BBS4: variants seen among roughly 807,000 people sequenced by gnomAD.
BBS4 encodes the protein Bardet-Biedl syndrome 4, also known as BBSome complex member BBS4.
Under a neutral mutation model 71.4 loss-of-function variants are expected in BBS4, and 58 were observed. That is an observed-to-expected ratio of 0.81 (90% CI 0.66 to 1.01). The LOEUF is 1.01. Ranked by LOEUF, BBS4 falls within the 50% of genes least tolerant of loss-of-function variation. BBS4 has a pLI of 0.00. For synonymous variants in BBS4, 228 were observed against 216.8 expected (o/e 1.05, Z -0.46); for missense variants, 660 against 607.9 (o/e 1.09, Z -0.90).
At chr15:72,687,464 C>A (rs1425582753) in intron 1 of BBS4, among the ~76,000 whole-genome samples, 2 of 151,340 alleles carry the variant, frequency 1.3e-5, no homozygotes. Flanking sequence ...ATTAGCGGGG[C>A]ATCGTGGCGC....
chr15:72,696,046 T>C (rs1192468907), intron 2 of BBS4, among the ~76,000 whole-genome samples: 1 of 152,254 alleles, frequency 6.6e-6, no homozygotes, highest in African/African-American at 2.4e-5. Flanking sequence ...TTCATATTCT[T>C]ACTGATGTAG....
intron 1 of BBS4, among the ~76,000 whole-genome samples, chr15:72,691,940 C>T (rs1349782379): frequency 7.6e-6 from 1 of 132,144 alleles, no homozygotes; most frequent in African/African-American, 2.8e-5. Flanking sequence ...TTCAGCTTGG[C>T]AGAGCGAGAC....
chr15:72,698,044 G>A lies in BBS4; in HGVS notation c.76+2816G>A, dbSNP rs565296564. On this transcript the variant is annotated intron_variant, in intron 2 of 15. Coordinates refer to ENST00000268057, the MANE Select transcript of BBS4 (RefSeq NM_033028.5). ...GATCTTACCCATCATTGAGGTGAGC[G>A]AACTGATTTACTGCTTGAGTCTATT... 3.8e-4 allele frequency: 174 copies of A among 455,750 alleles called. 1 individual carries two copies. The highest frequency in any genetic ancestry group is 2.6e-3 in the South Asian group (170 of 64,536). The allele number at this position is 455,750 out of a possible 1,614,324, so 28.2% of individuals were successfully genotyped here.
At chr15:72,708,651 T>A (rs2065309361) in intron 2 of BBS4, among the ~76,000 whole-genome samples, 1 of 152,232 alleles carries the variant, frequency 6.6e-6, no homozygotes, top group Non-Finnish European at 1.5e-5. Context: ...CATATTTTTC[T>A]TCTTTGCAGA....
rs58644289 is a variant in BBS4 at position 72,688,411 on chromosome 15, C to CTTTTTTTTTTTTTTT, written c.24+2166_24+2180dup. 7.5e-4 allele frequency among the ~76,000 whole-genome samples: 62 copies of CTTTTTTTTTTTTTTT among 83,052 alleles called. 18 individuals carry two copies. The East Asian group carries it at 0.011, about 15-fold the overall frequency. 54.5% of individuals were successfully genotyped at this position (83,052 alleles called of 152,430 possible). On this transcript the variant is annotated intron_variant, in intron 1 of 15. Transcript: ENST00000268057. ...GTCCTTTTAGGAAGTGGTATTTTATCTTTTTTTTTTTTTTTTTTTTGAGAC... is the reference window on the plus strand; with the variant it reads ...GTCCTTTTAGGAAGTGGTATTTTATCTTTTTTTTTTTTTTTTTTTTTTTTTTTTTTTTTTTGAGAC...
At chr15:72,695,936 AAAT>A (rs760150392) in intron 2 of BBS4, among the ~76,000 whole-genome samples, 9 of 152,198 alleles carry the variant, frequency 5.9e-5, no homozygotes, top group Non-Finnish European at 1.3e-4. Flanking sequence ...GTACACTTGG[AAAT>A]AATGTGTATT....
chr15:72,731,062 T>A (rs966181247), intron 10 of BBS4, among the ~76,000 whole-genome samples: 1 of 133,560 alleles, frequency 7.5e-6, no homozygotes, highest in African/African-American at 2.8e-5. Context: ...AGTAACATTT[T>A]ATCTTTTTTT....
chr15:72,727,514 A>G (rs1359998642), intron 8 of BBS4, among the ~76,000 whole-genome samples: 1 of 152,194 alleles, frequency 6.6e-6, no homozygotes, highest in Non-Finnish European at 1.5e-5. Flanking sequence ...ATCCTAAATT[A>G]CATAGAAAAT....
At chr15:72,712,756 C>A (rs2065397634) in intron 4 of BBS4, among the ~76,000 whole-genome samples, 1 of 152,110 alleles carries the variant, frequency 6.6e-6, no homozygotes, top group Non-Finnish European at 1.5e-5. Context: ...AGGTCTAGGA[C>A]ATTATTGTAT....
At chr15:72,711,038 T>C (rs2151018126) in intron 3 of BBS4, among the ~76,000 whole-genome samples, 1 of 150,916 alleles carries the variant, frequency 6.6e-6, no homozygotes, top group Middle Eastern at 3.4e-3. Context: ...GCTGACCTCG[T>C]AATCCACCTG....
intron 2 of BBS4, among the ~76,000 whole-genome samples, chr15:72,696,025 A>C (rs1406479708): frequency 6.6e-6 from 1 of 152,208 alleles, no homozygotes; most frequent in African/African-American, 2.4e-5. Flanking sequence ...ATATACTTAC[A>C]ATTACAGATA....
In BBS4 at chr15:72,737,550, G is replaced by A; in HGVS notation, c.1523G>A (p.Ser508Asn). 1 of 1,612,200 alleles carries A rather than the reference G, an allele frequency of 6.2e-7. No homozygotes were observed. Among genetic ancestry groups the A allele is most frequent in the Non-Finnish European group, 8.5e-7 (1 of 1,179,288 alleles). ...PLEPEPAVES[S>N]PTETSEQIRE... Reference sequence around the variant, plus strand: ...GAGCCAGAGCCTGCGGTGGAATCAAGTCCAACTGAAACATCAGAACAAATA... The same window carrying A: ...GAGCCAGAGCCTGCGGTGGAATCAAATCCAACTGAAACATCAGAACAAATA... Residue 508 changes from serine to asparagine, a missense_variant, in exon 16 of 16, where the codon AGT becomes AAT. Ser to Asn is a conservative substitution (Grantham distance 46). Coordinates refer to ENST00000268057, the MANE Select transcript of BBS4 (RefSeq NM_033028.5).
In BBS4 at chr15:72,738,441, C is replaced by T. The variant is rs879120658; in HGVS notation, c.*854C>T. 1.9e-5 allele frequency: 7 copies of T among 374,138 alleles called. No individual in the cohort carries two copies. The highest frequency in any genetic ancestry group is 1.5e-4 in the South Asian group (7 of 47,740). 23.2% of individuals were successfully genotyped at this position (374,138 alleles called of 1,614,324 possible). A position where few individuals can be genotyped will look rare whatever the true frequency, so the allele number is the denominator to read the frequency against. ...GAAAATTGTTATTCAGGTATAAAAACAAGAGATCATAATAAAAACCTAAAA... is the reference window on the plus strand; with the variant it reads ...GAAAATTGTTATTCAGGTATAAAAATAAGAGATCATAATAAAAACCTAAAA... On this transcript the variant is annotated 3_prime_UTR_variant, in exon 16 of 16. Coordinates refer to ENST00000268057, the MANE Select transcript of BBS4 (RefSeq NM_033028.5).
intron 1 of BBS4, among the ~76,000 whole-genome samples, chr15:72,688,392 T>C (rs936722584): frequency 6.7e-6 from 1 of 148,666 alleles, no homozygotes; most frequent in African/African-American, 2.5e-5. Context: ...TTCTGTCCTT[T>C]TAGGAAGTGG....
At chr15:72,737,032 T>C (rs2065940416) in intron 15 of BBS4, 69 bp downstream of exon 15, 6 of 1,538,406 alleles carry the variant, frequency 3.9e-6, no homozygotes, top group Admixed American at 1.7e-5. Context: ...GCAGAGATTA[T>C]AGCTTTCAGT....
chr15:72,696,886 TGG>T (rs1476496365), intron 2 of BBS4, among the ~76,000 whole-genome samples: 1 of 151,836 alleles, frequency 6.6e-6, no homozygotes, highest in African/African-American at 2.4e-5. Context: ...CTATTGCACC[TGG>T]GTTATGTAAA....
intron 3 of BBS4, among the ~76,000 whole-genome samples, chr15:72,710,859 C>A (rs1014015764): frequency 6.6e-6 from 1 of 151,426 alleles, no homozygotes; most frequent in Admixed American, 6.6e-5. Context: ...GGCGCAATCT[C>A]GGCTCACTGC....
chr15:72,693,883 T>C (rs999445910), intron 1 of BBS4, among the ~76,000 whole-genome samples: 4 of 150,808 alleles, frequency 2.7e-5, no homozygotes, highest in Non-Finnish European at 5.9e-5. Flanking sequence ...GTTTTTCTTT[T>C]TCTTCTTCTT....
intron 6 of BBS4, among the ~76,000 whole-genome samples, chr15:72,721,601 T>C (rs950791844): frequency 3.9e-5 from 6 of 152,210 alleles, no homozygotes; most frequent in African/African-American, 1.4e-4. Context: ...AAAATTAAAG[T>C]AACATATATG....
Sources: gnomAD v4.1 joint callset for allele counts (sites outside exome capture counted in the v4.1 genomes callset) on GRCh38, gnomAD v4.1.1 for gene constraint, MANE v1.5 for transcripts, NCBI Gene and HGNC (gene_info 2026-07-23, HGNC 2026-07-21) for gene names.